TBC1D5: variants seen among roughly 807,000 people sequenced by gnomAD.
TBC1D5 encodes TBC1 domain family, member 5.
In TBC1D5, 75 loss-of-function variants were observed where a neutral mutation model predicts 100.3. That is an observed-to-expected ratio of 0.75 (90% confidence interval 0.62 to 0.91). The LOEUF is 0.91. Among genes scored for constraint, TBC1D5 ranks in the 40% least tolerant of loss-of-function variants. The probability of loss-of-function intolerance (pLI) is 0.00; values close to 1 mark genes in which losing one functional copy is unlikely to be tolerated. For synonymous variants in TBC1D5, 323 were observed against 325.6 expected, an observed-to-expected ratio of 0.99 and a Z score of 0.09; for missense variants, 910 against 942.4, an observed-to-expected ratio of 0.97 and a Z score of 0.45.
At chr3:17,170,859 G>A (rs2067110412) in intron 19 of TBC1D5, among the ~76,000 whole-genome samples, 1 of 152,096 alleles carries the variant, frequency 6.6e-6, no homozygotes, top group Non-Finnish European at 1.5e-5. Flanking sequence ...GTGGGCATTT[G>A]CTCAGAAAAA....
intron 3 of TBC1D5, among the ~76,000 whole-genome samples, chr3:17,482,919 A>G (rs1380794670): frequency 6.6e-6 from 1 of 152,120 alleles, no homozygotes; most frequent in Non-Finnish European, 1.5e-5. Context: ...CTTATGTCCT[A>G]CATGCCCTCA....
intron 2 of TBC1D5, among the ~76,000 whole-genome samples, chr3:17,509,867 T>A (rs1366079214): frequency 1.3e-5 from 2 of 152,006 alleles, no homozygotes; most frequent in East Asian, 3.8e-4. Flanking sequence ...AAGTTTTCCC[T>A]CTCAATTCTC....
chr3:17,641,311 C>T (rs1313044112), intron 1 of TBC1D5, among the ~76,000 whole-genome samples: 1 of 152,014 alleles, frequency 6.6e-6, no homozygotes, highest in Non-Finnish European at 1.5e-5. Flanking sequence ...TTCTGTACAT[C>T]AATAGATGGT....
intron 9 of TBC1D5, among the ~76,000 whole-genome samples, chr3:17,383,581 C>T (rs2093034647): frequency 6.6e-6 from 1 of 151,880 alleles, no homozygotes; most frequent in African/African-American, 2.4e-5. Context: ...AAATGCTATA[C>T]TTAAAAATAA....
At chr3:17,643,746 G>C (rs994394425) in intron 1 of TBC1D5, among the ~76,000 whole-genome samples, 2 of 152,074 alleles carry the variant, frequency 1.3e-5, no homozygotes, top group South Asian at 4.1e-4. Flanking sequence ...CTTTTGGAAG[G>C]ATCTGTGTTT....
intron 4 of TBC1D5, among the ~76,000 whole-genome samples, chr3:17,411,137 A>G (rs2093912423): frequency 6.6e-6 from 1 of 152,110 alleles, no homozygotes; most frequent in Non-Finnish European, 1.5e-5. Flanking sequence ...GGAAGCCACA[A>G]CAACAAGGCA....
At chr3:17,584,582 T>C (rs1013439078) in intron 2 of TBC1D5, among the ~76,000 whole-genome samples, 3 of 152,220 alleles carry the variant, frequency 2.0e-5, no homozygotes, top group Non-Finnish European at 4.4e-5. Context: ...CAAGTAAAAT[T>C]AAATGTAATA....
intron 15 of TBC1D5, among the ~76,000 whole-genome samples, chr3:17,258,984 G>A (rs2078017729): frequency 6.6e-6 from 1 of 152,252 alleles, no homozygotes; most frequent in Admixed American, 6.5e-5. Flanking sequence ...TTCGGGGGAA[G>A]AGAAAGTCAT....
At chr3:17,714,687 A>C (rs571405562) in intron 1 of TBC1D5, among the ~76,000 whole-genome samples, 1 of 152,364 alleles carries the variant, frequency 6.6e-6, no homozygotes, top group East Asian at 1.9e-4. Flanking sequence ...CAACTAAACA[A>C]GTCAGGCATG....
At chr3:17,372,995 T>A (rs917093657) in intron 12 of TBC1D5, among the ~76,000 whole-genome samples, 10 of 152,178 alleles carry the variant, frequency 6.6e-5, no homozygotes, top group Non-Finnish European at 5.9e-5. Context: ...ACTGTAATGA[T>A]CATGCAGCCA....
intron 1 of TBC1D5, among the ~76,000 whole-genome samples, chr3:17,682,780 G>C (rs2069678825): frequency 6.6e-6 from 1 of 151,364 alleles, no homozygotes; most frequent in African/African-American, 2.5e-5. Context: ...CGTGTTCCTA[G>C]GATTTTATGT....
chr3:17,626,832 A>G (rs2063103947), intron 1 of TBC1D5, among the ~76,000 whole-genome samples: 1 of 152,212 alleles, frequency 6.6e-6, no homozygotes, highest in Non-Finnish European at 1.5e-5. Flanking sequence ...AAATGAAAGC[A>G]TTTTTGTTAC....
chr3:17,351,999 C>A (rs2090648419), intron 13 of TBC1D5, among the ~76,000 whole-genome samples: 2 of 146,760 alleles, frequency 1.4e-5, no homozygotes, highest in African/African-American at 5.0e-5. Flanking sequence ...TAAAGAGAAA[C>A]ATGTCAAAAA....
intron 3 of TBC1D5, among the ~76,000 whole-genome samples, chr3:17,498,115 A>G (rs1219465546): frequency 6.6e-6 from 1 of 152,148 alleles, no homozygotes. Context: ...AATTTCTTCC[A>G]TTTAAAACAC....
intron 13 of TBC1D5, among the ~76,000 whole-genome samples, chr3:17,325,436 C>T (rs1218691163): frequency 1.3e-5 from 2 of 151,446 alleles, no homozygotes; most frequent in Admixed American, 6.6e-5. Context: ...GATTCACCTG[C>T]CTCAGCCTGC....
intron 14 of TBC1D5, among the ~76,000 whole-genome samples, chr3:17,307,292 C>T (rs1490997162): frequency 6.6e-6 from 1 of 152,164 alleles, no homozygotes; most frequent in Non-Finnish European, 1.5e-5. Context: ...TATATTTTGG[C>T]TAACAAGTTC....
chr3:17,237,871 C>T (rs545043498), intron 17 of TBC1D5, among the ~76,000 whole-genome samples: 8 of 152,164 alleles, frequency 5.3e-5, no homozygotes, highest in Non-Finnish European at 1.2e-4. Flanking sequence ...GCAGAGAACA[C>T]AGTCAACTGA....
intron 9 of TBC1D5, among the ~76,000 whole-genome samples, chr3:17,379,680 T>C (rs971752002): frequency 2.2e-4 from 33 of 152,030 alleles, no homozygotes; most frequent in African/African-American, 7.2e-4. Flanking sequence ...GACCTCCCAG[T>C]AGATGCCTAA....
chr3:17,356,925 T>A (rs2091265664), intron 13 of TBC1D5, among the ~76,000 whole-genome samples: 1 of 152,092 alleles, frequency 6.6e-6, no homozygotes, highest in Admixed American at 6.6e-5. Context: ...AGTCAAACCT[T>A]CTTTCTTCAG....
Sources: allele counts gnomAD v4.1 joint callset (sites outside exome capture counted in the v4.1 genomes callset), GRCh38; gene constraint gnomAD v4.1.1; transcripts MANE v1.5; gene names NCBI Gene and HGNC (gene_info 2026-07-23, HGNC 2026-07-21).